The following VPS8 variants were observed in gnomAD, a reference collection of about 807,000 sequenced individuals.
VPS8 encodes vacuolar protein sorting-associated protein 8 homolog.
A neutral mutation model predicts 216.4 loss-of-function variants in VPS8; 129 were observed. The ratio of observed to expected loss-of-function variants is 0.60; its 90% CI spans 0.52 to 0.69. The LOEUF is 0.69. VPS8 is among the 30% of genes least tolerant of loss of function. The probability of loss-of-function intolerance (pLI) is 0.00; values close to 1 mark genes in which losing one functional copy is unlikely to be tolerated. For missense variants in VPS8, 1,531 were observed against 1,683.5 expected (o/e 0.91, Z 1.59); for synonymous variants, 571 against 565.4 (o/e 1.01, Z -0.14).
chr3:184,965,934 A>T (rs1747332090), intron 38 of VPS8, among the ~76,000 whole-genome samples: 1 of 152,208 alleles, frequency 6.6e-6, no homozygotes, highest in African/African-American at 2.4e-5. Flanking sequence ...ATTTTAGCTT[A>T]TAAGCTTTTT....
chr3:185,037,925 T>C (rs1400866552), intron 46 of VPS8, among the ~76,000 whole-genome samples: 1 of 152,246 alleles, frequency 6.6e-6, no homozygotes, highest in Non-Finnish European at 1.5e-5. Flanking sequence ...ACAGTGACTA[T>C]TTTGAAATCT....
intron 37 of VPS8, among the ~76,000 whole-genome samples, chr3:184,961,186 C>T (rs1746441557): frequency 6.6e-6 from 1 of 152,070 alleles, no homozygotes; most frequent in Non-Finnish European, 1.5e-5. Context: ...TCATTCTCTT[C>T]CCTTATTTTC....
intron 39 of VPS8, among the ~76,000 whole-genome samples, chr3:184,970,244 G>T (rs1201133267): frequency 6.6e-6 from 1 of 152,100 alleles, no homozygotes; most frequent in Non-Finnish European, 1.5e-5. Context: ...TTGATAGTGT[G>T]CTTAAGTATT....
intron 45 of VPS8, among the ~76,000 whole-genome samples, chr3:185,004,780 A>AGTTTGTGC (rs1272693267): frequency 6.6e-6 from 1 of 151,612 alleles, no homozygotes; most frequent in Non-Finnish European, 1.5e-5. Flanking sequence ...TTAGATCCAT[A>AGTTTGTGC]ATTTGTGAAT....
At chr3:184,954,318 C>T (rs1011379098) in intron 36 of VPS8, among the ~76,000 whole-genome samples, 5 of 152,058 alleles carry the variant, frequency 3.3e-5, no homozygotes, top group East Asian at 1.9e-4. Flanking sequence ...ATTATGTAGA[C>T]GTGATTGATT....
rs1281042702 is a variant in VPS8, at chr3:184,812,215, A to C, written c.-99A>C. ...GCCGGCGGTCCACGGCCGGAATGGC[A>C]GCAAGCTCAGGTAACGAGTTTCCAG... On this transcript the variant is annotated 5_prime_UTR_variant, in exon 1 of 48. Coordinates refer to ENST00000625842, the MANE Select transcript of VPS8 (RefSeq NM_001009921.3). 1 of 152,534 alleles carries C rather than the reference A, an allele frequency of 6.6e-6. No homozygotes were observed. The highest frequency in any genetic ancestry group is 1.5e-5 in the Non-Finnish European group (1 of 68,282). The allele number at this position is 152,534 out of a possible 1,614,324, so 9.4% of individuals were successfully genotyped here.
chr3:185,009,768 A>G (rs1279642526), intron 45 of VPS8, among the ~76,000 whole-genome samples: 2 of 152,104 alleles, frequency 1.3e-5, no homozygotes, highest in Non-Finnish European at 2.9e-5. Flanking sequence ...TCACGGCATG[A>G]CTCAGAGAGG....
chr3:185,038,260 TTTG>T (rs902570518), intron 46 of VPS8, among the ~76,000 whole-genome samples: 23 of 152,316 alleles, frequency 1.5e-4, no homozygotes, highest in African/African-American at 4.8e-4. Context: ...GGGCTCTGGT[TTTG>T]TTGTTGTTTG....
chr3:184,824,730 T>C lies in VPS8; in HGVS notation c.98T>C (p.Leu33Pro), dbSNP rs1453601897. The C allele has an allele frequency of 6.2e-7, 1 of 1,613,734 alleles. No homozygotes were observed. The highest frequency in any genetic ancestry group is 1.7e-5 in the Admixed American group (1 of 59,976). Reference sequence around the variant, plus strand: ...AAGTCTTTCAATCTAGAAGCTTCACTTTCAAAATTCTCTTACATAGATATG... The same window carrying C: ...AAGTCTTTCAATCTAGAAGCTTCACCTTCAAAATTCTCTTACATAGATATG... Reference protein sequence around the residue: ...LNKSFNLEASLSKFSYIDMDK... With the variant: ...LNKSFNLEASPSKFSYIDMDK... The change falls in exon 2 of 48, where the codon CTT becomes CCT. Residue 33 changes from leucine (L) to proline (P), a missense_variant. Physicochemically the swap from Leu to Pro is moderately conservative, Grantham distance 98. Coordinates refer to ENST00000625842, the MANE Select transcript of VPS8 (RefSeq NM_001009921.3).
At chr3:184,882,290 A>C (rs1730405548) in intron 21 of VPS8, 1 of 425,390 alleles carries the variant, frequency 2.4e-6, no homozygotes, top group Non-Finnish European at 4.7e-6. Flanking sequence ...ATGGATATTG[A>C]ATTTTGTCAG....
chr3:185,002,609 T>C (rs910161277), intron 45 of VPS8, among the ~76,000 whole-genome samples: 1 of 152,006 alleles, frequency 6.6e-6, no homozygotes, highest in Admixed American at 6.6e-5. Context: ...CTCCAGTCCT[T>C]CCCCCCTCCC....
At chr3:184,832,642 A>T in intron 3 of VPS8, 47 bp from the exon 4 acceptor site, 2 of 1,519,528 alleles carry the variant, frequency 1.3e-6, no homozygotes, top group Non-Finnish European at 1.8e-6. Flanking sequence ...CTCATTTCAT[A>T]GAGTATTTGG....
chr3:185,051,854 G>A (rs1271052074), intron 47 of VPS8, 22 bp from the exon 48 acceptor site: 7 of 1,573,932 alleles, frequency 4.4e-6, no homozygotes, highest in Non-Finnish European at 8.6e-7. Context: ...AACCTTAGCT[G>A]ATGTGTGTCC....
intron 34 of VPS8, 150 bp from the exon 35 acceptor site, chr3:184,936,096 C>T (rs773478322): frequency 4.2e-5 from 22 of 526,072 alleles, no homozygotes; most frequent in South Asian, 8.4e-5. Flanking sequence ...TTGCAAAGTG[C>T]GCTTTAAATT....
At chr3:184,986,576 G>A (rs1045782332) in intron 42 of VPS8, among the ~76,000 whole-genome samples, 1 of 152,142 alleles carries the variant, frequency 6.6e-6, no homozygotes, top group African/African-American at 2.4e-5. Flanking sequence ...CACTTCTCAT[G>A]AAGGAGACAG....
chr3:185,013,767 T>G (rs538687047), intron 45 of VPS8, among the ~76,000 whole-genome samples: 11 of 152,336 alleles, frequency 7.2e-5, no homozygotes, highest in African/African-American at 2.6e-4. Flanking sequence ...CTTCTTACCA[T>G]TTCTACCATC....
chr3:184,882,569 C>G (rs1730464049), intron 21 of VPS8: 1 of 237,780 alleles, frequency 4.2e-6, no homozygotes, highest in South Asian at 5.0e-5. Flanking sequence ...GTAATACTAA[C>G]TTAACAAAAT....
chr3:184,849,922 T>C lies in VPS8; in HGVS notation c.667-14T>C, dbSNP rs368987570. 1.9e-6 allele frequency: 3 copies of C among 1,605,298 alleles called. No individual in the cohort carries two copies. The highest frequency in any genetic ancestry group is 2.6e-6 in the Non-Finnish European group (3 of 1,175,810). On this transcript the variant is annotated splice_polypyrimidine_tract_variant and intron_variant, in intron 9 of 47. Coordinates refer to ENST00000625842, the MANE Select transcript of VPS8 (RefSeq NM_001009921.3). ...GCAATAAATTTGTTTTTGAAGCACTTAGTTGTCTTATAGATCACCATGTGG... is the reference window on the plus strand; with the variant it reads ...GCAATAAATTTGTTTTTGAAGCACTCAGTTGTCTTATAGATCACCATGTGG...
intron 15 of VPS8, among the ~76,000 whole-genome samples, chr3:184,862,012 G>A (rs1039080969): frequency 6.6e-6 from 1 of 152,146 alleles, no homozygotes. Flanking sequence ...TCTTCCCTTA[G>A]AGTGGCTAAT....
Sources: allele counts gnomAD v4.1 joint callset (sites outside exome capture counted in the v4.1 genomes callset), GRCh38; gene constraint gnomAD v4.1.1; transcripts MANE v1.5; gene names NCBI Gene and HGNC (gene_info 2026-07-23, HGNC 2026-07-21).